Variants in NOX4 observed in about 807,000 individuals in gnomAD.
The protein encoded by NOX4 is kidney oxidase-1.
Under a neutral mutation model 87.6 loss-of-function variants are expected in NOX4, and 69 were observed. The observed-to-expected ratio is 0.79, with a 90% CI of 0.65 to 0.96. The LOEUF (loss-of-function observed/expected upper bound fraction) is 0.96, where lower values mean the gene tolerates loss of function less well. Ranked by LOEUF, NOX4 falls within the 40% of genes least tolerant of loss-of-function variation. The probability of loss-of-function intolerance (pLI) is 0.00; values close to 1 mark genes in which losing one functional copy is unlikely to be tolerated. For missense variants in NOX4, 680 were observed against 681.5 expected (o/e 1.00, Z 0.02); for synonymous variants, 275 against 238.2 (o/e 1.15, Z -1.42).
At chr11:89,386,874 T>C (rs140041239) in intron 11 of NOX4, among the ~76,000 whole-genome samples, 2,861 of 152,210 alleles carry the variant, frequency 0.019, 85 homozygotes, top group African/African-American at 0.065. Flanking sequence ...TTAATACTTG[T>C]TTTTCTCCTT....
At chr11:89,383,386 G>A (rs1940442715) in intron 11 of NOX4, among the ~76,000 whole-genome samples, 1 of 152,176 alleles carries the variant, frequency 6.6e-6, no homozygotes, top group African/African-American at 2.4e-5. Context: ...TACTCCCAGA[G>A]CCCCTGGAAC....
intron 12 of NOX4, among the ~76,000 whole-genome samples, chr11:89,362,008 G>A (rs1480948024): frequency 6.6e-6 from 1 of 152,134 alleles, no homozygotes; most frequent in East Asian, 1.9e-4. Flanking sequence ...GCACTACACA[G>A]GCAACTCTGA....
At chr11:89,396,455 G>C (rs998931286) in intron 11 of NOX4, among the ~76,000 whole-genome samples, 6 of 152,058 alleles carry the variant, frequency 3.9e-5, no homozygotes, top group Non-Finnish European at 5.9e-5. Flanking sequence ...TGCAAACAGG[G>C]AAAATTTGAC....
chr11:89,496,176 G>A (rs1300715394), upstream of NOX4, among the ~76,000 whole-genome samples: 2 of 152,302 alleles, frequency 1.3e-5, no homozygotes, highest in South Asian at 2.1e-4. Flanking sequence ...ACAAAAACAA[G>A]TGTAGACCAT....
At chr11:89,574,727 C>T in the NOX4 span, among the ~76,000 whole-genome samples, 2 of 152,192 alleles carry the variant, frequency 1.3e-5, no homozygotes, top group Admixed American at 6.5e-5. Flanking sequence ...AAATTATTCA[C>T]TTTACTCAGA....
chr11:89,479,743 A>C (rs1946313758), intron 2 of NOX4, among the ~76,000 whole-genome samples: 1 of 152,112 alleles, frequency 6.6e-6, no homozygotes, highest in Non-Finnish European at 1.5e-5. Flanking sequence ...CTTTTCCTTT[A>C]TTTACTTTTC....
intron 7 of NOX4, among the ~76,000 whole-genome samples, chr11:89,428,223 TA>T (rs1462500888): frequency 2.0e-5 from 3 of 152,044 alleles, no homozygotes; most frequent in Non-Finnish European, 4.4e-5. Context: ...AAGGAAGCAC[TA>T]AACATGGAAA....
At chr11:89,365,135 T>A (rs1938855522) in intron 12 of NOX4, among the ~76,000 whole-genome samples, 1 of 152,090 alleles carries the variant, frequency 6.6e-6, no homozygotes, top group Non-Finnish European at 1.5e-5. Context: ...TGCCTCAACA[T>A]CTGGTACTTT....
chr11:89,498,453 T>C (rs1946982395), upstream of NOX4, among the ~76,000 whole-genome samples: 1 of 152,212 alleles, frequency 6.6e-6, no homozygotes, highest in African/African-American at 2.4e-5. Flanking sequence ...GCTATAAAGT[T>C]GAATTGCTGA....
At chr11:89,471,990 C>T (rs938763248) in intron 2 of NOX4, among the ~76,000 whole-genome samples, 2 of 152,150 alleles carry the variant, frequency 1.3e-5, no homozygotes, top group African/African-American at 4.8e-5. Context: ...GATCTTCCCA[C>T]CTTGGCCTCC....
chr11:89,343,315 G>C (rs1194239970), intron 13 of NOX4, among the ~76,000 whole-genome samples: 1 of 152,106 alleles, frequency 6.6e-6, no homozygotes, highest in African/African-American at 2.4e-5. Context: ...TTTATTAACG[G>C]TATCAATGAG....
intron 4 of NOX4, among the ~76,000 whole-genome samples, chr11:89,447,716 C>A (rs10501703): frequency 0.091 from 13,793 of 152,130 alleles, 785 homozygotes; most frequent in South Asian, 0.2. Context: ...TAGTTTAGAA[C>A]AAATTGAGTC....
intron 11 of NOX4, among the ~76,000 whole-genome samples, chr11:89,397,221 G>A (rs1941553361): frequency 6.6e-6 from 1 of 152,086 alleles, no homozygotes; most frequent in South Asian, 2.1e-4. Context: ...AATGACTACT[G>A]GGTAAATAAT....
chr11:89,429,753 A>C (rs193261622), intron 7 of NOX4, among the ~76,000 whole-genome samples: 5,265 of 152,242 alleles, frequency 0.035, 318 homozygotes, highest in African/African-American at 0.12. Flanking sequence ...AGATGGATTC[A>C]CAGCCGAATT....
intron 8 of NOX4, among the ~76,000 whole-genome samples, chr11:89,409,060 C>A (rs1031420873): frequency 6.6e-6 from 1 of 151,444 alleles, no homozygotes; most frequent in Non-Finnish European, 1.5e-5. Flanking sequence ...CTGTACTTCA[C>A]GGGTATAAAA....
intron 12 of NOX4, among the ~76,000 whole-genome samples, chr11:89,358,830 T>G (rs1191691931): frequency 1.3e-5 from 2 of 151,954 alleles, no homozygotes; most frequent in Non-Finnish European, 1.5e-5. Context: ...ACCTACTTTC[T>G]CAGCAGGCTC....
Position 89,400,068 on chromosome 11 carries a change from T to C in NOX4, c.1023A>G (p.Leu341=), listed in dbSNP as rs1010730484. The C allele has an allele frequency of 1.4e-5, 23 of 1,605,230 alleles. No individual in the cohort carries two copies. Among genetic ancestry groups the C allele is most frequent in the Admixed American group, 3.4e-5 (2 of 59,454 alleles). The change falls in exon 11 of 18, where the codon CTA becomes CTG. Residue 341 remains leucine (L), a synonymous_variant. Transcript: ENST00000263317. ...CTAATGCAGATACACTGGGACAATG[T>C]AGAGTAATATACTAAAAAGCAACAA... ...FKARPGQYIT[L]HCPSVSALEN...
the NOX4 span, among the ~76,000 whole-genome samples, chr11:89,549,398 C>T: frequency 6.6e-6 from 1 of 152,182 alleles, no homozygotes; most frequent in East Asian, 1.9e-4. Context: ...TTGTTTCCTT[C>T]AAATGTGTTA....
At chr11:89,510,442 A>G in the NOX4 span, among the ~76,000 whole-genome samples, 1 of 152,090 alleles carries the variant, frequency 6.6e-6, no homozygotes, top group Non-Finnish European at 1.5e-5. Context: ...CGAATATGAT[A>G]GAGTGAGATT....
Sources: allele counts gnomAD v4.1 joint callset (sites outside exome capture counted in the v4.1 genomes callset), GRCh38; gene constraint gnomAD v4.1.1; transcripts MANE v1.5; gene names NCBI Gene and HGNC (gene_info 2026-07-23, HGNC 2026-07-21).